Variants in CDC23 observed in about 807,000 individuals in gnomAD.
The protein encoded by CDC23 is cell division cycle protein 23 homolog.
A neutral mutation model predicts 81.7 loss-of-function variants in CDC23; 26 were observed. The observed-to-expected ratio is 0.32, with a 90% CI of 0.23 to 0.44. The LOEUF is 0.44. Ranked by LOEUF, CDC23 falls within the 20% of genes least tolerant of loss-of-function variation. CDC23 has a pLI of 1.00. For synonymous variants in CDC23, 267 were observed against 270.8 expected, an observed-to-expected ratio of 0.99 and a Z score of 0.14; for missense variants, 519 against 728.0, an observed-to-expected ratio of 0.71 and a Z score of 3.30.
Position 138,188,962 on chromosome 5 carries a change from G to T in CDC23, c.*16C>A. 1 of 1,612,330 alleles carries T rather than the reference G, an allele frequency of 6.2e-7. No homozygotes were observed. The highest frequency in any genetic ancestry group is 8.5e-7 in the Non-Finnish European group (1 of 1,178,848). ...TTAAGATGGGTCTAACAATGTGCTG[G>T]CTTGAGAGTAGCCAACTATGGCGTG... is the stretch of plus-strand genomic sequence containing the variant. On this transcript the variant is annotated 3_prime_UTR_variant, in exon 16 of 16. Transcript: ENST00000394886.
At chr5:138,198,861 TATCTAAAGGA>T in intron 6 of CDC23, 79 bp from the exon 7 acceptor site, 1 of 1,420,042 alleles carries the variant, frequency 7.0e-7, no homozygotes, top group Middle Eastern at 2.2e-4. Flanking sequence ...CTATCTTTAT[TATCTAAAGGA>T]ATTTATCACT....
At chr5:138,206,037 A>C (rs1483730674) in intron 3 of CDC23, 1 of 153,980 alleles carries the variant, frequency 6.5e-6, no homozygotes, top group Non-Finnish European at 1.4e-5. Context: ...TTTTTTAATC[A>C]ATTTATATAG....
chr5:138,213,033 T>G lies in CDC23; in HGVS notation c.192A>C (p.Ala64=). Residue 64 remains alanine, a synonymous_variant, in exon 2 of 16, where the codon GCA becomes GCC. Coordinates refer to ENST00000394886, the MANE Select transcript of CDC23 (RefSeq NM_004661.4). The part of the protein sequence containing the change: ...WSAELAFSLP[A]LPLAELQPPP... ...GCGGTTGCAGCTCGGCCAGAGGCAA[T>G]GCAGGGAGAGAGAAAGCCAACTCCG... 1 of 1,613,698 alleles carries G rather than the reference T, an allele frequency of 6.2e-7. No individual in the cohort carries two copies. The highest frequency in any genetic ancestry group is 8.5e-7 in the Non-Finnish European group (1 of 1,179,894).
intron 3 of CDC23, among the ~76,000 whole-genome samples, chr5:138,202,718 GATAA>G (rs1755002857): frequency 6.6e-6 from 1 of 152,188 alleles, no homozygotes; most frequent in Admixed American, 6.5e-5. Flanking sequence ...ATACTAAATA[GATAA>G]ATAAATGGGG....
At chr5:138,203,966 A>G (rs1280111384) in intron 3 of CDC23, among the ~76,000 whole-genome samples, 1 of 152,176 alleles carries the variant, frequency 6.6e-6, no homozygotes, top group Admixed American at 6.5e-5. Context: ...ATCAAATGCC[A>G]TATTTAACAA....
At chr5:138,210,397 ACG>A in intron 2 of CDC23, among the ~76,000 whole-genome samples, 1 of 145,716 alleles carries the variant, frequency 6.9e-6, no homozygotes, top group East Asian at 2.1e-4. Context: ...GTGGTGGCAC[ACG>A]CCTGTAGTCC....
intron 2 of CDC23, among the ~76,000 whole-genome samples, chr5:138,212,282 C>T (rs1480199736): frequency 6.6e-6 from 1 of 152,166 alleles, no homozygotes; most frequent in African/African-American, 2.4e-5. Flanking sequence ...ATTTGCTATG[C>T]TGATCAGACA....
At chr5:138,189,774 A>C in intron 14 of CDC23, 22 bp from the exon 15 acceptor site, 1 of 1,613,318 alleles carries the variant, frequency 6.2e-7, no homozygotes, top group Non-Finnish European at 8.5e-7. Flanking sequence ...AAGCAAAATT[A>C]CTGAGGTGAC....
At chr5:138,195,546 A>G (rs1754876699) in intron 9 of CDC23, among the ~76,000 whole-genome samples, 1 of 110,716 alleles carries the variant, frequency 9.0e-6, no homozygotes, top group African/African-American at 3.5e-5. Flanking sequence ...ATTTATATAT[A>G]ATATAATTAT....
chr5:138,189,698 A>G lies in CDC23; in HGVS notation c.1558T>C (p.Tyr520His), dbSNP rs1409769750. Residue 520 changes from tyrosine to histidine, a missense_variant, in exon 15 of 16, where the codon TAT becomes CAT. This residue lies in a region of CDC23 where 175 missense variants were observed against 337.8 expected (regional missense o/e 0.52). Transcript: ENST00000394886. ...STAFRYLAQY[Y>H]FKCKLWDEAS... ...TCATCCCACAGTTTGCACTTAAAATAGTACTGGGCCAGATAGCGAAAGGCA... is the reference window on the plus strand; with the variant it reads ...TCATCCCACAGTTTGCACTTAAAATGGTACTGGGCCAGATAGCGAAAGGCA... 8 of 1,613,974 alleles carry G rather than the reference A, an allele frequency of 5.0e-6. No homozygotes were observed. Among genetic ancestry groups the G allele is most frequent in the Non-Finnish European group, 6.8e-6 (8 of 1,179,934 alleles).
chr5:138,211,992 AATT>A (rs1755118364), intron 2 of CDC23, among the ~76,000 whole-genome samples: 2 of 152,280 alleles, frequency 1.3e-5, no homozygotes, highest in East Asian at 1.9e-4. Flanking sequence ...AAAATGCAGC[AATT>A]ATTAACATTA....
chr5:138,208,386 G>A (rs2126589875), intron 2 of CDC23, among the ~76,000 whole-genome samples: 1 of 152,294 alleles, frequency 6.6e-6, no homozygotes, highest in East Asian at 1.9e-4. Flanking sequence ...AGATCAACAT[G>A]TCCTAAATAC....
chr5:138,191,994 T>C lies in CDC23; in HGVS notation c.1287-57A>G, dbSNP rs17228512. 7.3e-3 allele frequency: 10,588 copies of C among 1,445,968 alleles called. 205 individuals are homozygous for C. Among genetic ancestry groups the C allele is most frequent in the African/African-American group, 0.066 (4,736 of 71,616 alleles). The allele number at this position is 1,445,968 out of a possible 1,614,324, so 89.6% of individuals were successfully genotyped here. A position where few individuals can be genotyped will look rare whatever the true frequency, so the allele number is the denominator to read the frequency against. Reference sequence around the variant, plus strand: ...GACTTTACAGAAACTGAAGTTCTCTTTTGAGGAACCAGTACACCACTATTT... The same window carrying C: ...GACTTTACAGAAACTGAAGTTCTCTCTTGAGGAACCAGTACACCACTATTT... On this transcript the variant is annotated intron_variant, in intron 11 of 15. Transcript: ENST00000394886.
Position 138,213,008 on chromosome 5 carries a change from G to C in CDC23, c.217C>G (p.Pro73Ala), listed in dbSNP as rs1561639149. The stretch of plus-strand genomic sequence containing the variant: ...GTCCTTACCTCTGTAATAGGCGGAG[G>C]CGGTTGCAGCTCGGCCAGAGGCAAT... The part of the protein sequence containing the change: ...PALPLAELQP[P>A]PPITEEDAQD... Residue 73 changes from proline to alanine, a missense_variant, in exon 2 of 16, where the codon CCT becomes GCT. Physicochemically the swap from Pro to Ala is conservative, Grantham distance 27. Coordinates refer to ENST00000394886, the MANE Select transcript of CDC23 (RefSeq NM_004661.4). 5 of 1,613,790 alleles carry C rather than the reference G, an allele frequency of 3.1e-6. No homozygotes were observed. Among genetic ancestry groups the C allele is most frequent in the Non-Finnish European group, 3.4e-6 (4 of 1,179,838 alleles).
chr5:138,206,778 A>C (rs1481274494), intron 2 of CDC23, 94 bp from the exon 3 acceptor site: 2 of 1,230,380 alleles, frequency 1.6e-6, no homozygotes, highest in Non-Finnish European at 2.3e-6. Flanking sequence ...GATGTAAAAG[A>C]AAAAGGATTG....
rs541685032 is a variant in CDC23, at chr5:138,191,506, A to G, written c.1392T>C (p.Asp464=). 4 of 1,614,134 alleles carry G rather than the reference A, an allele frequency of 2.5e-6. No individual in the cohort carries two copies. The South Asian group carries it at 3.3e-5, about 13-fold the overall frequency. ...KCYWRAYAVG[D]VEKMALVKLA... The stretch of plus-strand genomic sequence containing the variant: ...GTTTCACCAGAGCCATTTTCTCCAC[A>G]TCTCCCACGGCGTAAGCTCTCCAAT... Residue 464 remains aspartate (D), a synonymous_variant, in exon 13 of 16, where the codon GAT becomes GAC. Transcript: ENST00000394886.
intron 13 of CDC23, 80 bp from the exon 14 acceptor site, chr5:138,189,986 C>CA (rs1754808072): frequency 7.6e-5 from 84 of 1,110,866 alleles, no homozygotes; most frequent in Middle Eastern, 4.1e-4. Context: ...TACATAAGAC[C>CA]AAAAAAAACA....
In CDC23 at chr5:138,201,588, C is replaced by T. The variant is rs572939468; in HGVS notation, c.416-140G>A. 141 of 614,920 alleles carry T rather than the reference C, an allele frequency of 2.3e-4. 1 individual carries two copies. In the South Asian group the frequency reaches 3.2e-3, roughly 14 times the overall value. The allele number at this position is 614,920 out of a possible 1,614,324, so 38.1% of individuals were successfully genotyped here. A position where few individuals can be genotyped will look rare whatever the true frequency, so the allele number is the denominator to read the frequency against. ...TCTCAAACTCCTGGGCTCAAGTGAT[C>T]CTTCCGCCTCAGACTCCCAAAGTGC... On this transcript the variant is annotated intron_variant, in intron 4 of 15. Transcript: ENST00000394886.
At position 138,198,285 on chromosome 5, in the gene CDC23, G is replaced by C. The variant is rs762693491; in HGVS notation, c.931-5C>G. The C allele has an allele frequency of 6.2e-7, 1 of 1,611,460 alleles. No individual in the cohort carries two copies. Among genetic ancestry groups the C allele is most frequent in the Non-Finnish European group, 8.5e-7 (1 of 1,177,908 alleles). ...ACTCAACTCCGATTTCATGCTCTGG[G>C]ATAAAAGAAAAAGACAATATAAGCA... On this transcript the variant is annotated splice_polypyrimidine_tract_variant and splice_region_variant and intron_variant, in intron 8 of 15. Transcript: ENST00000394886.
Sources: gnomAD v4.1 joint callset for allele counts (sites outside exome capture counted in the v4.1 genomes callset) on GRCh38, gnomAD v4.1.1 for gene constraint, gnomAD v4.1.1 regional missense constraint, MANE v1.5 for transcripts, NCBI Gene and HGNC (gene_info 2026-07-23, HGNC 2026-07-21) for gene names.